TRPC4: variants seen among roughly 807,000 people sequenced by gnomAD.
The protein encoded by TRPC4 is short transient receptor potential channel 4.
Under a neutral mutation model 99.4 loss-of-function variants are expected in TRPC4, and 49 were observed. The observed-to-expected ratio is 0.49, with a 90% confidence interval of 0.39 to 0.63. TRPC4 has a LOEUF of 0.63. Among genes scored for constraint, TRPC4 ranks in the 20% least tolerant of loss-of-function variants. The pLI is 0.00. For synonymous variants in TRPC4, 454 were observed against 425.9 expected (o/e 1.07, Z -0.81); for missense variants, 898 against 1,152.9 (o/e 0.78, Z 3.20).
At chr13:37,743,872 G>C (rs542567989) in intron 3 of TRPC4, among the ~76,000 whole-genome samples, 1 of 152,128 alleles carries the variant, frequency 6.6e-6, no homozygotes, top group African/African-American at 2.4e-5. Flanking sequence ...TTGTTCCCAG[G>C]CTTTCACAAA....
At chr13:37,697,205 G>A (rs1309027422) in intron 3 of TRPC4, among the ~76,000 whole-genome samples, 2 of 152,278 alleles carry the variant, frequency 1.3e-5, no homozygotes, top group African/African-American at 4.8e-5. Context: ...GGCTAGATAA[G>A]TGAGGGGAGT....
chr13:37,844,506 G>T lies in TRPC4; in HGVS notation c.-28+25089C>A, dbSNP rs894229198. 2.6e-4 allele frequency among the ~76,000 whole-genome samples: 39 copies of T among 152,044 alleles called. 1 individual carries two copies. Among genetic ancestry groups the T allele is most frequent in the Non-Finnish European group, 1.5e-5 (1 of 68,034 alleles). On this transcript the variant is annotated intron_variant, in intron 1 of 10. Coordinates refer to ENST00000379705, the MANE Select transcript of TRPC4 (RefSeq NM_016179.4). ...GGCAGGGTTTTGCCATGTTGGTCAG[G>T]CTGGTCTCGAACTCCTGACCTCAGG...
chr13:37,695,183 C>G (rs1283582638), intron 3 of TRPC4, among the ~76,000 whole-genome samples: 1 of 152,008 alleles, frequency 6.6e-6, no homozygotes, highest in Admixed American at 6.6e-5. Context: ...TTCTTCCCTT[C>G]TTTCCTTCCT....
intron 1 of TRPC4, among the ~76,000 whole-genome samples, chr13:37,790,726 G>C (rs1160858878): frequency 6.6e-6 from 1 of 152,050 alleles, no homozygotes; most frequent in Non-Finnish European, 1.5e-5. Context: ...CTGAGCACAG[G>C]CCAGAAAACT....
rs920072464 is a variant in TRPC4, at chr13:37,760,853, T to C, written c.379-14398A>G. The stretch of plus-strand genomic sequence containing the variant: ...TAGTTAGTGATGCATCCAGTATAAA[T>C]AATGATAACTTAATATCAATAACTA... On this transcript the variant is annotated intron_variant, in intron 2 of 10. Transcript: ENST00000379705. Among the ~76,000 whole-genome samples, 5 of 152,098 alleles carry C rather than the reference T, an allele frequency of 3.3e-5. No individual in the cohort carries two copies. In the South Asian group the frequency reaches 1.0e-3, roughly 31 times the overall value.
At chr13:37,736,464 G>A (rs1434337458) in intron 3 of TRPC4, among the ~76,000 whole-genome samples, 3 of 151,918 alleles carry the variant, frequency 2.0e-5, no homozygotes, top group South Asian at 2.1e-4. Flanking sequence ...CTTTCTATGA[G>A]TATAGCTAAG....
intron 2 of TRPC4, among the ~76,000 whole-genome samples, chr13:37,752,402 G>A (rs1703926565): frequency 6.6e-6 from 1 of 151,808 alleles, no homozygotes; most frequent in African/African-American, 2.4e-5. Context: ...ACAGGTGACT[G>A]CCATTTCTGT....
chr13:37,856,411 C>T (rs776693958), intron 1 of TRPC4, among the ~76,000 whole-genome samples: 8 of 148,680 alleles, frequency 5.4e-5, no homozygotes, highest in Non-Finnish European at 1.2e-4. Flanking sequence ...AAAAAAAGCC[C>T]AGGATCTGAT....
At chr13:37,848,933 C>T (rs544922903) in intron 1 of TRPC4, among the ~76,000 whole-genome samples, 1 of 152,286 alleles carries the variant, frequency 6.6e-6, no homozygotes, top group South Asian at 2.1e-4. Context: ...TCTCTTCCTT[C>T]AAAACTATCT....
chr13:37,646,219 G>C (rs1331833963), intron 8 of TRPC4, among the ~76,000 whole-genome samples: 1 of 152,202 alleles, frequency 6.6e-6, no homozygotes, highest in Non-Finnish European at 1.5e-5. Context: ...TCTCAGAGCT[G>C]TGTGATGCTC....
intron 1 of TRPC4, among the ~76,000 whole-genome samples, chr13:37,847,768 C>G (rs1380857214): frequency 6.6e-6 from 1 of 152,042 alleles, no homozygotes; most frequent in Non-Finnish European, 1.5e-5. Context: ...TGTACGATCT[C>G]ATTTATAGAT....
chr13:37,731,583 G>C (rs1955241330), intron 3 of TRPC4, among the ~76,000 whole-genome samples: 1 of 151,894 alleles, frequency 6.6e-6, no homozygotes, highest in Non-Finnish European at 1.5e-5. Context: ...CAGCTTCCTA[G>C]GCATTTGAAC....
Position 37,638,990 on chromosome 13 carries a change from A to T in TRPC4, c.2211+50T>A, listed in dbSNP as rs749205675. 5.7e-6 allele frequency: 9 copies of T among 1,572,084 alleles called. No individual in the cohort carries two copies. The East Asian group carries it at 2.0e-4, about 35-fold the overall frequency. On this transcript the variant is annotated intron_variant, in intron 10 of 10. Coordinates refer to ENST00000379705, the MANE Select transcript of TRPC4 (RefSeq NM_016179.4). Reference sequence around the variant, plus strand: ...CTGATTTTAAATGTGCTCTATCTGGATCCATATTCTGCACAATCTGCCTCT... The same window carrying T: ...CTGATTTTAAATGTGCTCTATCTGGTTCCATATTCTGCACAATCTGCCTCT...
chr13:37,741,796 A>T (rs796645910), intron 3 of TRPC4, among the ~76,000 whole-genome samples: 16 of 152,236 alleles, frequency 1.1e-4, no homozygotes, highest in African/African-American at 3.8e-4. Flanking sequence ...CAGCAGGATG[A>T]TGTCTGGGTG....
intron 2 of TRPC4, among the ~76,000 whole-genome samples, chr13:37,749,560 C>A (rs980701429): frequency 6.6e-6 from 1 of 151,842 alleles, no homozygotes; most frequent in Non-Finnish European, 1.5e-5. Flanking sequence ...GGGTCCTCTC[C>A]GATTGCATGA....
intron 1 of TRPC4, among the ~76,000 whole-genome samples, chr13:37,800,682 T>C (rs924216853): frequency 6.6e-6 from 1 of 151,998 alleles, no homozygotes; most frequent in Admixed American, 6.6e-5. Context: ...TACATGTGTA[T>C]AGAAATGCAT....
At position 37,663,672 on chromosome 13, in the gene TRPC4, C is replaced by G. The variant is rs1235239730; in HGVS notation, c.1432G>C (p.Glu478Gln). Residue 478 changes from glutamate (E) to glutamine (Q), a missense_variant, in exon 6 of 11, where the codon GAG (glutamate) becomes CAG (glutamine). Coordinates refer to ENST00000379705, the MANE Select transcript of TRPC4 (RefSeq NM_016179.4). ...ATGTTTGCAATAGCAAATAAAGCCT[C>G]TGCCACCAGAGTGGGATGCCACATG... ...WDMWHPTLVA[E>Q]ALFAIANIFS... 3.7e-6 allele frequency: 6 copies of G among 1,614,054 alleles called. No homozygotes were observed. Among genetic ancestry groups the G allele is most frequent in the Non-Finnish European group, 5.1e-6 (6 of 1,180,018 alleles).
chr13:37,738,995 CA>C (rs1300682739), intron 3 of TRPC4, among the ~76,000 whole-genome samples: 1 of 151,852 alleles, frequency 6.6e-6, no homozygotes, highest in Non-Finnish European at 1.5e-5. Flanking sequence ...AAAAATAAAA[CA>C]AAACAAAAAA....
intron 1 of TRPC4, among the ~76,000 whole-genome samples, chr13:37,818,470 T>C (rs1176369447): frequency 6.6e-6 from 1 of 152,156 alleles, no homozygotes; most frequent in Non-Finnish European, 1.5e-5. Context: ...CAAAGGATTA[T>C]AAATCATACT....
Sources: gnomAD v4.1 joint callset for allele counts (sites outside exome capture counted in the v4.1 genomes callset) on GRCh38, gnomAD v4.1.1 for gene constraint, MANE v1.5 for transcripts, NCBI Gene and HGNC (gene_info 2026-07-23, HGNC 2026-07-21) for gene names.